Variants in CDH8 observed in about 807,000 individuals in gnomAD.
The protein encoded by CDH8 is cadherin 8, also known as cadherin-8.
In CDH8, 17 loss-of-function variants were observed where a neutral mutation model predicts 68.1. The observed-to-expected ratio is 0.25, with a 90% CI of 0.17 to 0.37. CDH8 has a LOEUF of 0.37. Ranked by LOEUF, CDH8 falls within the 10% of genes least tolerant of loss-of-function variation. CDH8 has a pLI of 1.00. For missense variants in CDH8, 763 were observed against 999.3 expected, an observed-to-expected ratio of 0.76 and a Z score of 3.19; for synonymous variants, 372 against 365.1, an observed-to-expected ratio of 1.02 and a Z score of -0.21.
At chr16:62,024,039 G>A (rs1902137211) in intron 1 of CDH8, among the ~76,000 whole-genome samples, 1 of 152,030 alleles carries the variant, frequency 6.6e-6, no homozygotes, top group African/African-American at 2.4e-5. Flanking sequence ...AGAATTGGGG[G>A]AGGGGTTGAT....
At chr16:61,712,766 T>A (rs1239485777) in intron 10 of CDH8, among the ~76,000 whole-genome samples, 2 of 151,668 alleles carry the variant, frequency 1.3e-5, no homozygotes, top group Non-Finnish European at 3.0e-5. Context: ...CAACTGTCAT[T>A]TCCTTTTTGT....
intron 8 of CDH8, among the ~76,000 whole-genome samples, chr16:61,777,395 T>C (rs903108042): frequency 6.6e-6 from 1 of 152,170 alleles, no homozygotes; most frequent in Non-Finnish European, 1.5e-5. Flanking sequence ...TCTATAGTTG[T>C]CTACAGTAAG....
At chr16:61,887,963 T>C (rs1378371853) in intron 3 of CDH8, among the ~76,000 whole-genome samples, 1 of 152,202 alleles carries the variant, frequency 6.6e-6, no homozygotes, top group African/African-American at 2.4e-5. Context: ...TCAATTAAGC[T>C]AAACTGAAAT....
intron 4 of CDH8, among the ~76,000 whole-genome samples, chr16:61,836,538 C>T (rs1228525363): frequency 6.6e-6 from 1 of 152,044 alleles, no homozygotes; most frequent in African/African-American, 2.4e-5. Context: ...ACAACTCTGA[C>T]TGCACAAAGC....
At chr16:61,893,119 C>T (rs1259280042) in intron 3 of CDH8, among the ~76,000 whole-genome samples, 1 of 152,058 alleles carries the variant, frequency 6.6e-6, no homozygotes, top group Non-Finnish European at 1.5e-5. Context: ...CTTCTAGGCC[C>T]CTTCCAGCTA....
intron 2 of CDH8, among the ~76,000 whole-genome samples, chr16:61,960,316 TATAC>T (rs1567546484): frequency 2.1e-5 from 2 of 97,282 alleles, no homozygotes; most frequent in Non-Finnish European, 3.7e-5. Flanking sequence ...TACACACATA[TATAC>T]GTGTGTGTGT....
intron 2 of CDH8, among the ~76,000 whole-genome samples, chr16:61,908,093 C>T (rs1293882173): frequency 1.3e-5 from 2 of 149,886 alleles, no homozygotes; most frequent in African/African-American, 2.4e-5. Context: ...ACATGAATCT[C>T]TGTCATATAT....
intron 2 of CDH8, among the ~76,000 whole-genome samples, chr16:61,961,595 C>T (rs922871063): frequency 4.6e-5 from 7 of 152,274 alleles, no homozygotes; most frequent in East Asian, 1.9e-4. Context: ...TTCCTCTTCA[C>T]GGAAGAATCT....
intron 1 of CDH8, chr16:62,031,999 T>C (rs1204657737): frequency 3.9e-5 from 6 of 152,222 alleles, no homozygotes; most frequent in Non-Finnish European, 7.3e-5. Context: ...AGAAATAGAT[T>C]CGCATCACAA....
chr16:61,959,598 G>GTATA (rs149976578), intron 2 of CDH8, among the ~76,000 whole-genome samples: 1 of 148,458 alleles, frequency 6.7e-6, no homozygotes, highest in African/African-American at 2.5e-5. Context: ...GTGTGTGTGT[G>GTATA]TATATATATA....
At chr16:61,661,896 G>C (rs1413216529) in intron 10 of CDH8, among the ~76,000 whole-genome samples, 3 of 151,484 alleles carry the variant, frequency 2.0e-5, no homozygotes. Flanking sequence ...GTACACTAAT[G>C]AGAACTTCTA....
chr16:61,825,022 T>C lies in CDH8; in HGVS notation c.825A>G (p.Lys275=), dbSNP rs763157896. The stretch of plus-strand genomic sequence containing the variant: ...AGGAAATTAACTTACTCTGTGCAAA[T>C]TTTGGAGGATTGTCATTAACATCAG... ...TLTDVNDNPP[K]FAQSLYHFSV... The change falls in exon 5 of 12, where the codon AAA becomes AAG. Residue 275 remains lysine, a synonymous_variant. Coordinates refer to ENST00000577390, the MANE Select transcript of CDH8 (RefSeq NM_001796.5). 3 of 1,610,932 alleles carry C rather than the reference T, an allele frequency of 1.9e-6. No homozygotes were observed. The highest frequency in any genetic ancestry group is 1.7e-5 in the Admixed American group (1 of 59,672).
chr16:61,710,248 G>A (rs1964606651), intron 10 of CDH8, among the ~76,000 whole-genome samples: 1 of 152,038 alleles, frequency 6.6e-6, no homozygotes, highest in South Asian at 2.1e-4. Context: ...TTTGCTTAAA[G>A]TAAGAGTATT....
At chr16:61,881,502 T>C (rs1315707079) in intron 3 of CDH8, among the ~76,000 whole-genome samples, 2 of 152,206 alleles carry the variant, frequency 1.3e-5, no homozygotes, top group Admixed American at 6.5e-5. Context: ...ACTAGCTTAA[T>C]TCTGAAAATT....
At chr16:61,685,255 T>C (rs1162615862) in intron 10 of CDH8, among the ~76,000 whole-genome samples, 1 of 151,502 alleles carries the variant, frequency 6.6e-6, no homozygotes, top group Non-Finnish European at 1.5e-5. Context: ...TGTAAGAGAT[T>C]GTCCAGTGTG....
At chr16:61,985,961 TC>T (rs1310342583) in intron 2 of CDH8, among the ~76,000 whole-genome samples, 1 of 137,958 alleles carries the variant, frequency 7.2e-6, no homozygotes, top group Non-Finnish European at 1.5e-5. Context: ...TCTCACTCTT[TC>T]ACCCAGACTG....
intron 5 of CDH8, among the ~76,000 whole-genome samples, chr16:61,821,437 TC>T (rs1455928864): frequency 6.6e-6 from 1 of 152,064 alleles, no homozygotes; most frequent in African/African-American, 2.4e-5. Flanking sequence ...GTATATTTTT[TC>T]CTTTTTGCTG....
At chr16:61,735,344 C>T (rs982795057) in intron 8 of CDH8, among the ~76,000 whole-genome samples, 1 of 151,938 alleles carries the variant, frequency 6.6e-6, no homozygotes, top group African/African-American at 2.4e-5. Context: ...TCACAAATAC[C>T]CTTTTGTCCT....
At chr16:61,734,260 A>T (rs573111791) in intron 8 of CDH8, among the ~76,000 whole-genome samples, 182 of 152,176 alleles carry the variant, frequency 1.2e-3, no homozygotes, top group Non-Finnish European at 2.1e-3. Flanking sequence ...TCGCAGTTGG[A>T]GTTGAGGTAG....
Sources: allele counts gnomAD v4.1 joint callset (sites outside exome capture counted in the v4.1 genomes callset), GRCh38; gene constraint gnomAD v4.1.1; transcripts MANE v1.5; gene names NCBI Gene and HGNC (gene_info 2026-07-23, HGNC 2026-07-21).